Variants in LEPR observed in about 807,000 individuals in gnomAD.
LEPR encodes the protein leptin receptor.
In LEPR, 56 loss-of-function variants were observed where a neutral mutation model predicts 114.7. That is an observed-to-expected ratio of 0.49 (90% CI 0.39 to 0.61). LEPR has a LOEUF of 0.61. Ranked by LOEUF, LEPR falls within the 20% of genes least tolerant of loss-of-function variation. The probability of loss-of-function intolerance (pLI) is 0.00; values close to 1 mark genes in which losing one functional copy is unlikely to be tolerated. For missense variants in LEPR, 1,202 were observed against 1,352.9 expected, an observed-to-expected ratio of 0.89 and a Z score of 1.75; for synonymous variants, 443 against 461.4, an observed-to-expected ratio of 0.96 and a Z score of 0.51.
chr1:65,621,486 A>G (rs779572376), intron 18 of LEPR, 28 bp downstream of exon 18: 1 of 1,588,838 alleles, frequency 6.3e-7, no homozygotes, highest in Non-Finnish European at 8.6e-7. Flanking sequence ...AAGAATCTTT[A>G]CGGCAAAAGT....
intron 2 of LEPR, chr1:65,435,104 T>G: frequency 5.1e-6 from 5 of 985,356 alleles, no homozygotes; most frequent in Non-Finnish European, 6.0e-6. Flanking sequence ...AGGATAGCAA[T>G]ATTTTGGGAC....
At chr1:65,465,229 T>G (rs1424203212) in intron 2 of LEPR, among the ~76,000 whole-genome samples, 1 of 152,246 alleles carries the variant, frequency 6.6e-6, no homozygotes, top group East Asian at 1.9e-4. Flanking sequence ...ATTGTGTCTA[T>G]GTTCTCACTG....
intron 2 of LEPR, among the ~76,000 whole-genome samples, chr1:65,553,772 A>G (rs751053495): frequency 2.0e-5 from 3 of 152,124 alleles, no homozygotes; most frequent in Non-Finnish European, 2.9e-5. Flanking sequence ...GATCCTTTAA[A>G]TGAGAAGCGG....
rs1197039937 is a variant in LEPR at position 65,453,842 on chromosome 1, A to G, written c.-21+28464A>G. ...GTTCAATTCCTGGGTATCCTTGTTG[A>G]CTTTCTGTCTCGTTGATCTGTCTAA... is the stretch of plus-strand genomic sequence containing the variant. On this transcript the variant is annotated intron_variant, in intron 2 of 19. Coordinates refer to ENST00000349533, the MANE Select transcript of LEPR (RefSeq NM_002303.6). Among the ~76,000 whole-genome samples the G allele has an allele frequency of 4.0e-5, 6 of 151,198 alleles. No individual in the cohort carries two copies. In the East Asian group the frequency reaches 1.2e-3, roughly 29 times the overall value.
Position 65,633,074 on chromosome 1 carries a change from T to A in LEPR, c.2674-3117T>A. 1 of 1,105,008 alleles carries A rather than the reference T, an allele frequency of 9.0e-7. No homozygotes were observed. Among genetic ancestry groups the A allele is most frequent in the Non-Finnish European group, 1.4e-6 (1 of 739,686 alleles). 68.5% of individuals were successfully genotyped at this position (1,105,008 alleles called of 1,614,324 possible). On this transcript the variant is annotated intron_variant, in intron 19 of 19. Transcript: ENST00000349533. The surrounding 1 kb of genome is among the most constrained non-coding windows in gnomAD (Gnocchi z 4.1). ...TCCAGAACCCATGCTTGACAATGTT[T>A]TTTGAAATCTTTTATCTTTTTCTTT... is the stretch of plus-strand genomic sequence containing the variant.
intron 2 of LEPR, chr1:65,433,259 C>T (rs1022787888): frequency 4.1e-6 from 4 of 985,366 alleles, no homozygotes; most frequent in South Asian, 4.7e-5. Flanking sequence ...CATGTAAGCA[C>T]GCAGTGGGTG....
rs371384340 is a variant in LEPR at position 65,485,143 on chromosome 1, T to C, written c.-21+59765T>C. Among the ~76,000 whole-genome samples the C allele has an allele frequency of 3.2e-4, 49 of 152,286 alleles. 1 individual carries two copies. The highest frequency in any genetic ancestry group is 1.1e-3 in the African/African-American group (44 of 41,568). On this transcript the variant is annotated intron_variant, in intron 2 of 19. Transcript: ENST00000349533. Reference sequence around the variant, plus strand: ...CATCCATGCCACTCACTGTTTGACATTGATCAATTTAGCTAACTCCTCTAA... The same window carrying C: ...CATCCATGCCACTCACTGTTTGACACTGATCAATTTAGCTAACTCCTCTAA...
At chr1:65,451,201 C>T (rs939690612) in intron 2 of LEPR, among the ~76,000 whole-genome samples, 8 of 152,052 alleles carry the variant, frequency 5.3e-5, no homozygotes, top group Admixed American at 1.3e-4. Context: ...GAGTAGGTTG[C>T]GAAAATTTTC....
chr1:65,614,637 T>G (rs1657412698), intron 14 of LEPR, among the ~76,000 whole-genome samples: 1 of 152,232 alleles, frequency 6.6e-6, no homozygotes, highest in South Asian at 2.1e-4. Flanking sequence ...GACCCAGATT[T>G]CTCACTGTTG....
intron 2 of LEPR, among the ~76,000 whole-genome samples, chr1:65,437,346 G>GT (rs2100261808): frequency 6.6e-6 from 1 of 152,172 alleles, no homozygotes; most frequent in African/African-American, 2.4e-5. Context: ...AACCTCGTAA[G>GT]TAGCTAGTAC....
intron 19 of LEPR, among the ~76,000 whole-genome samples, chr1:65,631,605 T>C (rs1013960058): frequency 7.7e-5 from 11 of 142,686 alleles, no homozygotes; most frequent in Admixed American, 5.6e-4. Context: ...AGAATCTCTA[T>C]AGAGACAAGA....
At chr1:65,600,266 C>A (rs1656355960) in intron 8 of LEPR, among the ~76,000 whole-genome samples, 1 of 152,090 alleles carries the variant, frequency 6.6e-6, no homozygotes, top group African/African-American at 2.4e-5. Context: ...TTGAGTGCCA[C>A]CTCGGCTAGG....
At position 65,640,162 on chromosome 1, in the gene LEPR, ACCT is replaced by A. The variant is rs1237793310; in HGVS notation, c.*3153_*3155del. The A allele has an allele frequency of 6.6e-6, 1 of 152,150 alleles. No individual in the cohort carries two copies. The highest frequency in any genetic ancestry group is 1.9e-4 in the East Asian group (1 of 5,208). The allele number at this position is 152,150 out of a possible 1,614,324, so 9.4% of individuals were successfully genotyped here. The stretch of plus-strand genomic sequence containing the variant: ...ACATTACTTCAGGAATATTTATATT[ACCT>A]CCTCCAAAACTGAAAGAAAATAAAC... On this transcript the variant is annotated 3_prime_UTR_variant, in exon 20 of 20. Transcript: ENST00000349533.
chr1:65,466,668 G>A (rs562897388), intron 2 of LEPR, among the ~76,000 whole-genome samples: 3 of 152,300 alleles, frequency 2.0e-5, no homozygotes, highest in Non-Finnish European at 4.4e-5. Context: ...ACACCAATCA[G>A]ATGTAGATTT....
At chr1:65,567,957 G>A (rs1177890716) in intron 3 of LEPR, among the ~76,000 whole-genome samples, 5 of 151,910 alleles carry the variant, frequency 3.3e-5, no homozygotes, top group Non-Finnish European at 7.4e-5. Context: ...CACTCTTGGT[G>A]TTGTATATTG....
chr1:65,596,966 A>T (rs560036962), intron 7 of LEPR, among the ~76,000 whole-genome samples: 1 of 152,186 alleles, frequency 6.6e-6, no homozygotes, highest in South Asian at 2.1e-4. Flanking sequence ...ATCTGTGCAC[A>T]TTCCTGTAAA....
chr1:65,430,663 C>T (rs940186528), intron 2 of LEPR, among the ~76,000 whole-genome samples: 2 of 152,196 alleles, frequency 1.3e-5, no homozygotes, highest in Non-Finnish European at 2.9e-5. Context: ...TTATTTGAGG[C>T]ATTGAATATC....
chr1:65,495,200 T>C (rs1453468172), intron 2 of LEPR, among the ~76,000 whole-genome samples: 4 of 151,934 alleles, frequency 2.6e-5, no homozygotes, highest in Non-Finnish European at 4.4e-5. Flanking sequence ...TACAAGGAGC[T>C]GAAACAACTC....
chr1:65,546,356 C>T (rs1309287692), intron 2 of LEPR, among the ~76,000 whole-genome samples: 5 of 152,116 alleles, frequency 3.3e-5, no homozygotes, highest in South Asian at 2.1e-4. Context: ...AAGTCATTGG[C>T]AGCTTGATGC....
Sources: gnomAD v4.1 joint callset for allele counts (sites outside exome capture counted in the v4.1 genomes callset) on GRCh38, gnomAD v4.1.1 for gene constraint, Gnocchi (gnomAD v3.1) non-coding constraint, MANE v1.5 for transcripts, NCBI Gene and HGNC (gene_info 2026-07-23, HGNC 2026-07-21) for gene names.